PLAUR: variants seen among roughly 807,000 people sequenced by gnomAD.
The protein encoded by PLAUR is plasminogen activator, urokinase receptor, also known as urokinase plasminogen activator surface receptor.
A neutral mutation model predicts 33.4 loss-of-function variants in PLAUR; 22 were observed. The ratio of observed to expected loss-of-function variants is 0.66; its 90% CI spans 0.47 to 0.94. The LOEUF is 0.94. Among genes scored for constraint, PLAUR ranks in the 40% least tolerant of loss-of-function variants. PLAUR has a pLI of 0.00. For missense variants in PLAUR, 408 were observed against 434.7 expected (o/e 0.94, Z 0.55); for synonymous variants, 148 against 167.3 (o/e 0.88, Z 0.89).
Position 43,648,589 on chromosome 19 carries a change from C to A in PLAUR, c.*301G>T. The A allele has an allele frequency of 1.0e-5, 10 of 1,003,578 alleles. No homozygotes were observed. The highest frequency in any genetic ancestry group is 1.2e-5 in the Non-Finnish European group (10 of 827,104). 62.2% of individuals were successfully genotyped at this position (1,003,578 alleles called of 1,614,324 possible). A position where few individuals can be genotyped will look rare whatever the true frequency, so the allele number is the denominator to read the frequency against. On this transcript the variant is annotated 3_prime_UTR_variant, in exon 7 of 7. Transcript: ENST00000340093. ...GCATACCTGGCCTTGTCCACTGGTACAAAATCTTTATGTAAGTATAAAATA... is the reference window on the plus strand; with the variant it reads ...GCATACCTGGCCTTGTCCACTGGTAAAAAATCTTTATGTAAGTATAAAATA...
Position 43,655,568 on chromosome 19 carries a change from G to A in PLAUR, c.478C>T (p.Pro160Ser), listed in dbSNP as rs373373248. Residue 160 changes from proline to serine, a missense_variant, in exon 5 of 7, where the codon CCA (proline) becomes TCA (serine). Physicochemically the swap from Pro to Ser is moderately conservative, Grantham distance 74. Transcript: ENST00000340093. ...CCACGGAGGTGGCGGTCATCCTTTG[G>A]ACGCCCTATGGGGGCCAGGGGACAG... is the stretch of plus-strand genomic sequence containing the variant. ...HWIQEGEEGR[P>S]KDDRHLRGCG... is the part of the protein sequence containing the mutation. 1.3e-5 allele frequency: 21 copies of A among 1,613,844 alleles called. No homozygotes were observed. The highest frequency in any genetic ancestry group is 1.7e-5 in the Admixed American group (1 of 59,984).
intron 5 of PLAUR, 86 bp from the exon 6 acceptor site, chr19:43,652,457 T>C: frequency 7.6e-7 from 1 of 1,324,074 alleles, no homozygotes; most frequent in Non-Finnish European, 1.1e-6. Flanking sequence ...GGACTTCCAC[T>C]CCGAGCCAGA....
intron 2 of PLAUR, among the ~76,000 whole-genome samples, chr19:43,665,931 T>C (rs1292424770): frequency 6.6e-6 from 1 of 151,700 alleles, no homozygotes; most frequent in Non-Finnish European, 1.5e-5. Flanking sequence ...CCCAAAGTGC[T>C]GGAATTACAG....
At chr19:43,655,675 C>G in intron 4 of PLAUR, 102 bp from the exon 5 acceptor site, 8 of 1,045,972 alleles carry the variant, frequency 7.6e-6, no homozygotes, top group Non-Finnish European at 1.1e-5. Context: ...TCTACTTCAC[C>G]CTTCATCATA....
intron 2 of PLAUR, among the ~76,000 whole-genome samples, chr19:43,666,137 A>G (rs1168851014): frequency 1.3e-5 from 2 of 152,030 alleles, no homozygotes; most frequent in African/African-American, 2.4e-5. Context: ...ATCATAGCTC[A>G]CCACAACCTC....
At position 43,651,146 on chromosome 19, in the gene PLAUR, T is replaced by C. The variant is rs1054039891; in HGVS notation, c.754+1079A>G. ...CAGGCTGGAGTGCAATGGCACAATCTTGGCTCACCGCAACCTCTGCCTCCC... is the reference window on the plus strand; with the variant it reads ...CAGGCTGGAGTGCAATGGCACAATCCTGGCTCACCGCAACCTCTGCCTCCC... On this transcript the variant is annotated intron_variant, in intron 6 of 6. Coordinates refer to ENST00000340093, the MANE Select transcript of PLAUR (RefSeq NM_002659.4). Among the ~76,000 whole-genome samples the C allele has an allele frequency of 2.0e-5, 3 of 151,934 alleles. No homozygotes were observed. In the East Asian group the frequency reaches 5.8e-4, roughly 30 times the overall value.
intron 3 of PLAUR, chr19:43,665,089 G>A (rs407795): frequency 0.03 from 17,030 of 575,044 alleles, 1,466 homozygotes; most frequent in African/African-American, 0.23. Flanking sequence ...AGGGTAACAT[G>A]AAGTTGGGCA....
intron 5 of PLAUR, 79 bp from the exon 6 acceptor site, chr19:43,652,450 C>A: frequency 7.3e-7 from 1 of 1,374,196 alleles, no homozygotes. Flanking sequence ...CTCCCCAGGA[C>A]TTCCACTCCG....
chr19:43,650,149 C>G (rs759472221), intron 6 of PLAUR, among the ~76,000 whole-genome samples: 4 of 151,570 alleles, frequency 2.6e-5, no homozygotes, highest in Non-Finnish European at 5.9e-5. Flanking sequence ...GTAGCTGGGA[C>G]TACAGGCGCG....
chr19:43,655,640 C>G (rs1249696090), intron 4 of PLAUR, 67 bp from the exon 5 acceptor site: 11 of 1,454,502 alleles, frequency 7.6e-6, no homozygotes, highest in Non-Finnish European at 9.4e-6. Flanking sequence ...GGGATTTGCC[C>G]GAAATAGCAG....
chr19:43,653,931 C>T (rs1156496393), intron 5 of PLAUR, among the ~76,000 whole-genome samples: 1 of 152,026 alleles, frequency 6.6e-6, no homozygotes, highest in Admixed American at 6.6e-5. Context: ...CGAGATCATC[C>T]TGGCTAACAC....
Position 43,648,621 on chromosome 19 carries a change from A to G in PLAUR, c.*269T>C, listed in dbSNP as rs1973865062. On this transcript the variant is annotated 3_prime_UTR_variant, in exon 7 of 7. Coordinates refer to ENST00000340093, the MANE Select transcript of PLAUR (RefSeq NM_002659.4). ...TTTATGTAAGTATAAAATAAATAATATGAATATTAATTAATAACAACAACA... is the reference window on the plus strand; with the variant it reads ...TTTATGTAAGTATAAAATAAATAATGTGAATATTAATTAATAACAACAACA... The G allele has an allele frequency of 1.2e-6, 1 of 837,828 alleles. No individual in the cohort carries two copies. Among genetic ancestry groups the G allele is most frequent in the Admixed American group, 4.3e-5 (1 of 23,298 alleles). The allele number at this position is 837,828 out of a possible 1,614,324, so 51.9% of individuals were successfully genotyped here. A position where few individuals can be genotyped will look rare whatever the true frequency, so the allele number is the denominator to read the frequency against.
intron 3 of PLAUR, among the ~76,000 whole-genome samples, chr19:43,658,250 C>T (rs923254043): frequency 6.6e-6 from 1 of 152,122 alleles, no homozygotes; most frequent in African/African-American, 2.4e-5. Context: ...AGAACTGAGG[C>T]CTGTGCCAAA....
intron 6 of PLAUR, 32 bp from the exon 7 acceptor site, chr19:43,649,175 A>G (rs1481079387): frequency 3.1e-6 from 5 of 1,595,036 alleles, no homozygotes; most frequent in Non-Finnish European, 4.3e-6. Context: ...TGAGACTTCC[A>G]GCTCCTGGGC....
rs1323788729 is a variant in PLAUR, at chr19:43,652,210, C to T, written c.754+15G>A. ...CCCAATAAGTGTTCCCTCCCAGCCT[C>T]GGAGAGGGCCTCACCGTGAGTGCCG... On this transcript the variant is annotated intron_variant, in intron 6 of 6. Coordinates refer to ENST00000340093, the MANE Select transcript of PLAUR (RefSeq NM_002659.4). 8.7e-6 allele frequency: 14 copies of T among 1,613,546 alleles called. No homozygotes were observed. The highest frequency in any genetic ancestry group is 1.2e-5 in the Non-Finnish European group (14 of 1,179,806).
At chr19:43,651,053 C>T (rs1973974090) in intron 6 of PLAUR, among the ~76,000 whole-genome samples, 1 of 149,952 alleles carries the variant, frequency 6.7e-6, no homozygotes, top group Admixed American at 6.6e-5. Flanking sequence ...AAAAAGATTT[C>T]TCAGTTTTAA....
intron 3 of PLAUR, among the ~76,000 whole-genome samples, chr19:43,659,608 G>A (rs964789564): frequency 6.6e-6 from 1 of 151,860 alleles, no homozygotes; most frequent in Non-Finnish European, 1.5e-5. Flanking sequence ...CTGTCTCTTC[G>A]AGGCCCCATG....
rs1014875275 is a variant in PLAUR at position 43,648,671 on chromosome 19, T to C, written c.*219A>G. 4.6e-5 allele frequency: 35 copies of C among 765,928 alleles called. No individual in the cohort carries two copies. The highest frequency in any genetic ancestry group is 7.1e-5 in the Admixed American group (2 of 28,290). The allele number at this position is 765,928 out of a possible 1,614,324, so 47.4% of individuals were successfully genotyped here. A position where few individuals can be genotyped will look rare whatever the true frequency, so the allele number is the denominator to read the frequency against. ...ACAACAGCGGCAACAATATTAATAA[T>C]AACAAGAGCTCTCCCATTGGCCCAC... is the stretch of plus-strand genomic sequence containing the variant. On this transcript the variant is annotated 3_prime_UTR_variant, in exon 7 of 7. Coordinates refer to ENST00000340093, the MANE Select transcript of PLAUR (RefSeq NM_002659.4).
chr19:43,658,537 T>C (rs1475813787), intron 3 of PLAUR, among the ~76,000 whole-genome samples: 1 of 152,238 alleles, frequency 6.6e-6, no homozygotes, highest in Non-Finnish European at 1.5e-5. Flanking sequence ...GACTGATTCC[T>C]GATCACTTCG....
Sources: gnomAD v4.1 joint callset for allele counts (sites outside exome capture counted in the v4.1 genomes callset) on GRCh38, gnomAD v4.1.1 for gene constraint, MANE v1.5 for transcripts, NCBI Gene and HGNC (gene_info 2026-07-23, HGNC 2026-07-21) for gene names.